Variants in DLG2 observed in about 807,000 individuals in gnomAD.
DLG2 encodes the protein disks large homolog 2.
A neutral mutation model predicts 132.5 loss-of-function variants in DLG2; 45 were observed. The ratio of observed to expected loss-of-function variants is 0.34; its 90% confidence interval spans 0.27 to 0.44. The LOEUF is 0.44. DLG2 is among the 20% of genes least tolerant of loss of function. The pLI is 1.00. For missense variants in DLG2, 1,045 were observed against 1,196.9 expected (o/e 0.87, Z 1.87); for synonymous variants, 424 against 419.6 (o/e 1.01, Z -0.13).
At chr11:85,124,439 A>G (rs1488983287) in intron 5 of DLG2, among the ~76,000 whole-genome samples, 1 of 152,218 alleles carries the variant, frequency 6.6e-6, no homozygotes, top group Non-Finnish European at 1.5e-5. Context: ...CGTACTTTTC[A>G]AATATATAAA....
At chr11:84,364,898 GC>G (rs1429131056) in intron 7 of DLG2, among the ~76,000 whole-genome samples, 1 of 152,146 alleles carries the variant, frequency 6.6e-6, no homozygotes. Flanking sequence ...TGATGGTGCT[GC>G]TGGATTCGGT....
intron 6 of DLG2, among the ~76,000 whole-genome samples, chr11:84,916,483 A>C (rs1335990039): frequency 1.3e-5 from 2 of 151,902 alleles, no homozygotes; most frequent in Non-Finnish European, 2.9e-5. Context: ...ACTCAATATC[A>C]GTGTCGAAAA....
chr11:84,059,673 C>A (rs75044942), intron 10 of DLG2, among the ~76,000 whole-genome samples, 189 bp from the exon 11 acceptor site: 1,706 of 152,276 alleles, frequency 0.011, 36 homozygotes, highest in African/African-American at 0.039. Flanking sequence ...GCCTCTTAGC[C>A]TTCTTCCTAA....
chr11:84,534,227 G>C (rs529098219), intron 7 of DLG2, among the ~76,000 whole-genome samples: 16 of 152,278 alleles, frequency 1.1e-4, no homozygotes, highest in African/African-American at 3.6e-4. Context: ...GTTGGACCAC[G>C]AGTACTGACA....
chr11:84,942,044 T>G (rs2049505633), intron 6 of DLG2, among the ~76,000 whole-genome samples: 3 of 152,188 alleles, frequency 2.0e-5, no homozygotes, highest in Admixed American at 2.0e-4. Context: ...TGCATATAGA[T>G]GCTCATAGTA....
intron 3 of DLG2, among the ~76,000 whole-genome samples, chr11:85,464,570 T>C (rs2092720301): frequency 6.6e-6 from 1 of 152,004 alleles, no homozygotes. Flanking sequence ...AAAACAATCT[T>C]AGGTACTATA....
At chr11:84,326,512 T>A (rs551046660) in intron 7 of DLG2, among the ~76,000 whole-genome samples, 1 of 152,318 alleles carries the variant, frequency 6.6e-6, no homozygotes, top group African/African-American at 2.4e-5. Context: ...TTGTTTAATT[T>A]CCTCATGTGT....
In DLG2 at chr11:84,070,927, T is replaced by C. The variant is rs112853529; in HGVS notation, c.750-11443A>G. On this transcript the variant is annotated intron_variant, in intron 10 of 27. Transcript: ENST00000376104. Reference sequence around the variant, plus strand: ...AGAGTCTGAAATTAATCTTATCTCTTCCCCATAGACAACCCTTTACTTCAC... The same window carrying C: ...AGAGTCTGAAATTAATCTTATCTCTCCCCCATAGACAACCCTTTACTTCAC... 4.5e-4 allele frequency among the ~76,000 whole-genome samples: 68 copies of C among 152,274 alleles called. 1 individual carries two copies. Among genetic ancestry groups the C allele is most frequent in the African/African-American group, 1.5e-3 (61 of 41,552 alleles).
At chr11:83,891,705 G>T (rs527680552) in intron 15 of DLG2, among the ~76,000 whole-genome samples, 1 of 152,208 alleles carries the variant, frequency 6.6e-6, no homozygotes, top group African/African-American at 2.4e-5. Context: ...CCCTGACAGG[G>T]GAATGCCACA....
chr11:85,469,204 C>T (rs1386618470), intron 3 of DLG2: 3 of 152,210 alleles, frequency 2.0e-5, no homozygotes, highest in Admixed American at 6.5e-5. Context: ...TTCTTACCAC[C>T]TTTACCACTT....
intron 13 of DLG2, among the ~76,000 whole-genome samples, chr11:83,964,763 G>A (rs2089792300): frequency 6.6e-6 from 1 of 151,924 alleles, no homozygotes; most frequent in African/African-American, 2.4e-5. Context: ...TGCTGCAGAA[G>A]TCCCACTTCC....
intron 10 of DLG2, among the ~76,000 whole-genome samples, chr11:84,082,391 A>T (rs1206143951): frequency 6.6e-6 from 1 of 152,180 alleles, no homozygotes; most frequent in Admixed American, 6.5e-5. Flanking sequence ...CGTATTTTTC[A>T]AATTTTCTAT....
intron 21 of DLG2, among the ~76,000 whole-genome samples, chr11:83,511,045 C>T (rs1360453784): frequency 1.1e-5 from 1 of 87,322 alleles, no homozygotes; most frequent in African/African-American, 5.0e-5. Context: ...AAAAAAAAAA[C>T]CCTCTCTGTC....
At chr11:85,100,319 C>A (rs1210055511) in intron 6 of DLG2, among the ~76,000 whole-genome samples, 1 of 152,050 alleles carries the variant, frequency 6.6e-6, no homozygotes, top group Admixed American at 6.6e-5. Flanking sequence ...TGAGCACCTA[C>A]TATGCAACAG....
intron 2 of DLG2, among the ~76,000 whole-genome samples, chr11:85,611,962 G>GAA (rs574393077): frequency 1.6e-4 from 24 of 151,874 alleles, no homozygotes; most frequent in Admixed American, 1.4e-3. Flanking sequence ...TAGAGAGAGA[G>GAA]AAAAAGAGAG....
chr11:85,006,740 C>T (rs2058696790), intron 6 of DLG2, among the ~76,000 whole-genome samples: 1 of 151,828 alleles, frequency 6.6e-6, no homozygotes, highest in Non-Finnish European at 1.5e-5. Flanking sequence ...CAGTTCTGCT[C>T]TGATCTTAGT....
intron 6 of DLG2, among the ~76,000 whole-genome samples, chr11:84,557,406 A>C (rs546396087): frequency 6.6e-6 from 1 of 152,290 alleles, no homozygotes; most frequent in African/African-American, 2.4e-5. Context: ...TCCTTAAAAT[A>C]AATTTGTTTA....
intron 4 of DLG2, among the ~76,000 whole-genome samples, chr11:85,235,809 C>T (rs1305583423): frequency 1.3e-5 from 2 of 151,452 alleles, no homozygotes; most frequent in African/African-American, 4.9e-5. Flanking sequence ...GCTTTGAATG[C>T]CAGAATAGAT....
At chr11:84,421,076 G>A (rs2098949218) in intron 7 of DLG2, among the ~76,000 whole-genome samples, 1 of 152,040 alleles carries the variant, frequency 6.6e-6, no homozygotes, top group Non-Finnish European at 1.5e-5. Context: ...GAATGGGATT[G>A]GTACTCTTAT....
Sources: gnomAD v4.1 joint callset for allele counts (sites outside exome capture counted in the v4.1 genomes callset) on GRCh38, gnomAD v4.1.1 for gene constraint, MANE v1.5 for transcripts, NCBI Gene and HGNC (gene_info 2026-07-23, HGNC 2026-07-21) for gene names.